Variants in SCUBE1 observed in about 807,000 individuals in gnomAD.
The protein encoded by SCUBE1 is signal peptide, CUB and EGF-like domain-containing protein 1.
In SCUBE1, 59 loss-of-function variants were observed where a neutral mutation model predicts 124.4. That is an observed-to-expected ratio of 0.47 (90% CI 0.38 to 0.59). SCUBE1 has a LOEUF of 0.59. Among genes scored for constraint, SCUBE1 ranks in the 20% least tolerant of loss-of-function variants. The probability of loss-of-function intolerance (pLI) is 0.00; values close to 1 mark genes in which losing one functional copy is unlikely to be tolerated. For synonymous variants in SCUBE1, 545 were observed against 550.9 expected, an observed-to-expected ratio of 0.99 and a Z score of 0.15; for missense variants, 1,150 against 1,371.2, an observed-to-expected ratio of 0.84 and a Z score of 2.55.
At position 43,201,779 on chromosome 22, in the gene SCUBE1, C is replaced by T. The variant is rs141047960; in HGVS notation, c.*2218G>A. 1.6e-4 allele frequency: 25 copies of T among 152,310 alleles called. No individual in the cohort carries two copies. The East Asian group carries it at 2.5e-3, about 15-fold the overall frequency. The allele number at this position is 152,310 out of a possible 1,614,324, so 9.4% of individuals were successfully genotyped here. On this transcript the variant is annotated 3_prime_UTR_variant, in exon 22 of 22. Coordinates refer to ENST00000360835, the MANE Select transcript of SCUBE1 (RefSeq NM_173050.5). ...CATAATGCAGCCCCTCACACATCTACGTCTGTATCCTCTGGGTTCTGATTC... is the reference window on the plus strand; with the variant it reads ...CATAATGCAGCCCCTCACACATCTATGTCTGTATCCTCTGGGTTCTGATTC...
chr22:43,259,180 G>T (rs185666242), intron 5 of SCUBE1, among the ~76,000 whole-genome samples: 4 of 152,154 alleles, frequency 2.6e-5, no homozygotes, highest in African/African-American at 9.7e-5. Flanking sequence ...GAGAGAGATC[G>T]CTAGAGGGGA....
chr22:43,257,135 G>A (rs1923690747), intron 6 of SCUBE1, among the ~76,000 whole-genome samples: 1 of 152,254 alleles, frequency 6.6e-6, no homozygotes, highest in Non-Finnish European at 1.5e-5. Flanking sequence ...GACTACAGAG[G>A]TGACAGCCTG....
chr22:43,276,750 A>G (rs1377249976), intron 4 of SCUBE1, among the ~76,000 whole-genome samples: 1 of 152,192 alleles, frequency 6.6e-6, no homozygotes, highest in East Asian at 1.9e-4. Flanking sequence ...TCTGGAGCCT[A>G]GGGGCCTGGG....
At chr22:43,214,063 C>CCCCCCCCCCGGG in intron 16 of SCUBE1, 27 bp downstream of exon 16, 1 of 663,998 alleles carries the variant, frequency 1.5e-6, no homozygotes, top group Non-Finnish European at 2.3e-6. Context: ...CCCCCACCCC[C>CCCCCCCCCCGGG]ACCTCTCCTT....
chr22:43,312,300 A>G (rs1926198159), intron 3 of SCUBE1, among the ~76,000 whole-genome samples: 1 of 152,244 alleles, frequency 6.6e-6, no homozygotes, highest in African/African-American at 2.4e-5. Flanking sequence ...GTGGAGATGT[A>G]ACTGTGTGGC....
At chr22:43,219,663 A>G (rs372828217) in intron 14 of SCUBE1, among the ~76,000 whole-genome samples, 23 of 152,094 alleles carry the variant, frequency 1.5e-4, no homozygotes, top group African/African-American at 3.1e-4. Context: ...TAGTAGAGAC[A>G]GGGTTTCACC....
chr22:43,247,124 C>T (rs12167730), intron 6 of SCUBE1, among the ~76,000 whole-genome samples: 1,706 of 152,334 alleles, frequency 0.011, 37 homozygotes, highest in African/African-American at 0.038. Flanking sequence ...TTTGTTCCTC[C>T]CTGGCATTCC....
At chr22:43,235,991 C>T (rs1601818187) in intron 7 of SCUBE1, among the ~76,000 whole-genome samples, 1 of 152,198 alleles carries the variant, frequency 6.6e-6, no homozygotes, top group African/African-American at 2.4e-5. Context: ...ACGTGACCCC[C>T]ACCTGCCCGG....
At chr22:43,328,087 G>T (rs1390002930) in intron 2 of SCUBE1, among the ~76,000 whole-genome samples, 1 of 152,150 alleles carries the variant, frequency 6.6e-6, no homozygotes, top group Non-Finnish European at 1.5e-5. Context: ...GGTCACAGTG[G>T]GGTGTGTTGC....
chr22:43,246,671 A>T (rs774361917), intron 6 of SCUBE1, among the ~76,000 whole-genome samples: 9 of 152,250 alleles, frequency 5.9e-5, no homozygotes, highest in Non-Finnish European at 8.8e-5. Flanking sequence ...ATGTCTGGTT[A>T]TACATACAGC....
chr22:43,216,437 G>A (rs988873933), intron 15 of SCUBE1, among the ~76,000 whole-genome samples: 1 of 150,648 alleles, frequency 6.6e-6, no homozygotes, highest in Non-Finnish European at 1.5e-5. Flanking sequence ...GGCAGATCAT[G>A]AGGTCAGGAG....
chr22:43,206,873 C>A (rs376964964), intron 21 of SCUBE1, among the ~76,000 whole-genome samples: 1 of 152,144 alleles, frequency 6.6e-6, no homozygotes, highest in Non-Finnish European at 1.5e-5. Flanking sequence ...AATCAGGAGC[C>A]GAGGGCGGCA....
chr22:43,337,472 A>G (rs1370320674), intron 2 of SCUBE1, among the ~76,000 whole-genome samples: 1 of 152,160 alleles, frequency 6.6e-6, no homozygotes, highest in Non-Finnish European at 1.5e-5. Flanking sequence ...CCAGCCTCAC[A>G]TGTACCACTC....
At chr22:43,311,486 T>C (rs1464154895) in intron 3 of SCUBE1, among the ~76,000 whole-genome samples, 1 of 150,974 alleles carries the variant, frequency 6.6e-6, no homozygotes, top group East Asian at 2.0e-4. Flanking sequence ...AGTGGTGTAA[T>C]CTCGGCTCAT....
intron 6 of SCUBE1, among the ~76,000 whole-genome samples, chr22:43,252,443 T>C (rs1369269937): frequency 2.0e-5 from 3 of 152,178 alleles, no homozygotes; most frequent in African/African-American, 7.2e-5. Flanking sequence ...TCCGAGCCGC[T>C]CTCCTGAGGA....
In SCUBE1 at chr22:43,221,191, C is replaced by CGAG. The variant is rs1444779124; in HGVS notation, c.1530_1531insCTC (p.Thr510_Ala511insLeu). 1 of 1,609,990 alleles carries CGAG rather than the reference C, an allele frequency of 6.2e-7. No individual in the cohort carries two copies. Among genetic ancestry groups the CGAG allele is most frequent in the Non-Finnish European group, 8.5e-7 (1 of 1,179,728 alleles). On this transcript the variant is annotated inframe_insertion, in exon 13 of 22. Transcript: ENST00000360835. ...CACTCACCCAGCAGCGGCTGCCTGG[C>CGAG]GGTCTCCTTTGCTCGTGCCTGGCTG...
In SCUBE1 at chr22:43,211,942, G is replaced by C. The variant is rs1485109100; in HGVS notation, c.2221+483C>G. ...CTGGACAGACAGACAGACACTGAGA[G>C]GGAGCACGGTGGGGAAGCAGGGTCA... On this transcript the variant is annotated intron_variant, in intron 17 of 21. Transcript: ENST00000360835. The surrounding 1 kb of genome is among the most constrained non-coding windows in gnomAD (Gnocchi z 4.5). 6.6e-6 allele frequency among the ~76,000 whole-genome samples: 1 copy of C among 152,206 alleles called. No homozygotes were observed. The highest frequency in any genetic ancestry group is 1.5e-5 in the Non-Finnish European group (1 of 68,040).
intron 21 of SCUBE1, among the ~76,000 whole-genome samples, chr22:43,205,605 ACACCCAC>A (rs1921198575): frequency 7.2e-6 from 1 of 139,684 alleles, no homozygotes; most frequent in Non-Finnish European, 1.6e-5. Flanking sequence ...CACTCACCAC[ACACCCAC>A]CACACCCCAT....
intron 1 of SCUBE1, among the ~76,000 whole-genome samples, chr22:43,341,430 G>A (rs1432000679): frequency 6.6e-6 from 1 of 152,220 alleles, no homozygotes; most frequent in African/African-American, 2.4e-5. Flanking sequence ...GGACCAGCAG[G>A]GGCAGTGGGC....
Sources: allele counts gnomAD v4.1 joint callset (sites outside exome capture counted in the v4.1 genomes callset), GRCh38; gene constraint gnomAD v4.1.1; non-coding constraint Gnocchi (gnomAD v3.1); transcripts MANE v1.5; gene names NCBI Gene and HGNC (gene_info 2026-07-23, HGNC 2026-07-21).